IMMP2L: variants seen among roughly 807,000 people sequenced by gnomAD.
IMMP2L encodes the protein inner mitochondrial membrane peptidase subunit 2.
IMMP2L carries 18 observed loss-of-function variants against 19.3 expected under a neutral mutation model. That is an observed-to-expected ratio of 0.93 (90% CI 0.64 to 1.38). IMMP2L has a LOEUF of 1.38. IMMP2L is among the 40% of genes most tolerant of loss of function. The pLI is 0.00. For missense variants in IMMP2L, 233 were observed against 218.2 expected (o/e 1.07, Z -0.43); for synonymous variants, 76 against 73.0 (o/e 1.04, Z -0.21).
In IMMP2L at chr7:111,338,844, G is replaced by A. The variant is rs143982391; in HGVS notation, c.239+148394C>T. Among the ~76,000 whole-genome samples, 849 of 152,206 alleles carry A rather than the reference G, an allele frequency of 5.6e-3. 8 individuals carry two copies. The highest frequency in any genetic ancestry group is 0.054 in the Middle Eastern group (16 of 294). On this transcript the variant is annotated intron_variant, in intron 3 of 5. Transcript: ENST00000405709. ...CCCTTTGCCCCAATATTGCATGCATGTGCACATGCTTAAGATTTGCAGTTG... is the reference window on the plus strand; with the variant it reads ...CCCTTTGCCCCAATATTGCATGCATATGCACATGCTTAAGATTTGCAGTTG...
intron 3 of IMMP2L, among the ~76,000 whole-genome samples, chr7:111,169,970 C>T (rs1256341292): frequency 1.3e-5 from 2 of 151,750 alleles, no homozygotes; most frequent in African/African-American, 2.4e-5. Context: ...AAAGCACCCA[C>T]GTTAATCCGG....
chr7:110,752,735 G>A (rs1881168), intron 5 of IMMP2L, among the ~76,000 whole-genome samples: 5 of 152,018 alleles, frequency 3.3e-5, no homozygotes, highest in African/African-American at 1.2e-4. Context: ...GAAGGGATGT[G>A]GGGAAGAGAA....
intron 3 of IMMP2L, among the ~76,000 whole-genome samples, chr7:110,976,112 A>G (rs1820664185): frequency 6.6e-6 from 1 of 152,022 alleles, no homozygotes; most frequent in Non-Finnish European, 1.5e-5. Context: ...CCCTGATAAT[A>G]TGTAACATTT....
intron 5 of IMMP2L, among the ~76,000 whole-genome samples, chr7:110,753,720 G>C (rs1364772255): frequency 6.6e-6 from 1 of 150,912 alleles, no homozygotes; most frequent in African/African-American, 2.5e-5. Flanking sequence ...AAAGGTAAGA[G>C]GCTTTCATTT....
chr7:111,527,620 TTAAC>T (rs1164879206), intron 1 of IMMP2L, among the ~76,000 whole-genome samples: 3 of 152,114 alleles, frequency 2.0e-5, no homozygotes, highest in Non-Finnish European at 2.9e-5. Flanking sequence ...TAAAAGAGAA[TTAAC>T]TTTTTTTAAA....
intron 5 of IMMP2L, among the ~76,000 whole-genome samples, chr7:110,771,470 C>T (rs1799029138): frequency 6.6e-6 from 1 of 152,188 alleles, no homozygotes; most frequent in Admixed American, 6.5e-5. Flanking sequence ...GACCACCAGA[C>T]TGCCTGACTC....
intron 4 of IMMP2L, among the ~76,000 whole-genome samples, chr7:110,890,544 A>T (rs977568280): frequency 6.6e-6 from 1 of 152,186 alleles, no homozygotes; most frequent in Non-Finnish European, 1.5e-5. Flanking sequence ...GAAATATAAT[A>T]CTCCTAATAG....
intron 4 of IMMP2L, among the ~76,000 whole-genome samples, chr7:110,925,731 G>T (rs1814774805): frequency 6.6e-6 from 1 of 152,050 alleles, no homozygotes; most frequent in Admixed American, 6.6e-5. Flanking sequence ...GAAAAGAGTA[G>T]ACTGCTCATG....
At chr7:110,833,817 G>A (rs1451951777) in intron 5 of IMMP2L, among the ~76,000 whole-genome samples, 1 of 152,058 alleles carries the variant, frequency 6.6e-6, no homozygotes, top group East Asian at 1.9e-4. Context: ...TTTGGTTTCT[G>A]CTTAGCTTTA....
intron 4 of IMMP2L, among the ~76,000 whole-genome samples, chr7:110,905,788 T>C (rs1812385839): frequency 6.6e-6 from 1 of 152,208 alleles, no homozygotes; most frequent in Non-Finnish European, 1.5e-5. Context: ...GTTGTCAGCT[T>C]GATTTTTTTA....
chr7:110,988,787 CAAA>C (rs1822127111), intron 3 of IMMP2L, among the ~76,000 whole-genome samples: 1 of 151,726 alleles, frequency 6.6e-6, no homozygotes, highest in South Asian at 2.1e-4. Flanking sequence ...AGTATGTATT[CAAA>C]AAACATGATG....
chr7:110,713,503 G>C (rs553256604), intron 5 of IMMP2L, among the ~76,000 whole-genome samples: 2 of 152,268 alleles, frequency 1.3e-5, no homozygotes, highest in South Asian at 4.1e-4. Context: ...GCTTTGGGCA[G>C]TACGGTATTT....
At chr7:110,837,042 C>T (rs540798492) in intron 5 of IMMP2L, among the ~76,000 whole-genome samples, 93 of 152,136 alleles carry the variant, frequency 6.1e-4, no homozygotes, top group Non-Finnish European at 1.1e-3. Flanking sequence ...AGGCAGAATA[C>T]CTAAGTATTT....
At chr7:110,744,997 A>C (rs1797239945) in intron 5 of IMMP2L, among the ~76,000 whole-genome samples, 1 of 152,202 alleles carries the variant, frequency 6.6e-6, no homozygotes, top group South Asian at 2.1e-4. Flanking sequence ...GGAAGTTAAA[A>C]ACCTTGAAAA....
chr7:110,669,095 G>GTA lies in IMMP2L; in HGVS notation c.409-5376_409-5375dup, dbSNP rs1390121538. Among the ~76,000 whole-genome samples, 204 of 88,944 alleles carry GTA rather than the reference G, an allele frequency of 2.3e-3. 4 individuals are homozygous for GTA. The East Asian group carries it at 0.043, about 19-fold the overall frequency. The allele number at this position is 88,944 out of a possible 152,430, so 58.4% of individuals were successfully genotyped here. On this transcript the variant is annotated intron_variant, in intron 5 of 5. Coordinates refer to ENST00000405709, the MANE Select transcript of IMMP2L (RefSeq NM_032549.4). Reference sequence around the variant, plus strand: ...TGTGTGTGTGTGTGTGTGTGTATATGTATATATATATATAGAGAGAGAGAG... The same window carrying GTA: ...TGTGTGTGTGTGTGTGTGTGTATATGTATATATATATATATAGAGAGAGAGAG...
chr7:110,885,010 T>C (rs1174799245), intron 5 of IMMP2L, among the ~76,000 whole-genome samples: 1 of 152,146 alleles, frequency 6.6e-6, no homozygotes. Context: ...CCTCATACTA[T>C]GTGAAAGAAA....
intron 3 of IMMP2L, among the ~76,000 whole-genome samples, chr7:111,003,799 A>G (rs181082865): frequency 2.8e-4 from 42 of 152,006 alleles, no homozygotes; most frequent in African/African-American, 9.9e-4. Flanking sequence ...GACATGAGAC[A>G]CTCTACCTGG....
intron 3 of IMMP2L, among the ~76,000 whole-genome samples, chr7:111,148,395 C>T (rs1437201458): frequency 3.3e-5 from 5 of 151,840 alleles, no homozygotes; most frequent in African/African-American, 7.3e-5. Context: ...AGAGTGTGTG[C>T]GTTTCTTTTG....
At position 111,368,920 on chromosome 7, in the gene IMMP2L, T is replaced by G. The variant is rs1830033006; in HGVS notation, c.239+118318A>C. ...CTGAAGTGTGAATTCATTCTGGTCC[T>G]CATTTTTTTTAAATATGTAAAGGAA... On this transcript the variant is annotated intron_variant, in intron 3 of 5. Transcript: ENST00000405709. 2.6e-5 allele frequency among the ~76,000 whole-genome samples: 4 copies of G among 151,928 alleles called. No homozygotes were observed. In the Admixed American group the frequency reaches 2.6e-4, roughly 10 times the overall value.
Sources: gnomAD v4.1 joint callset for allele counts (sites outside exome capture counted in the v4.1 genomes callset) on GRCh38, gnomAD v4.1.1 for gene constraint, MANE v1.5 for transcripts, NCBI Gene and HGNC (gene_info 2026-07-23, HGNC 2026-07-21) for gene names.